CDC73: variants seen among roughly 807,000 people sequenced by gnomAD.
The protein encoded by CDC73 is cell division cycle 73, also known as parafibromin.
In CDC73, 21 loss-of-function variants were observed where a neutral mutation model predicts 83.7. The ratio of observed to expected loss-of-function variants is 0.25; its 90% CI spans 0.18 to 0.36. The LOEUF (loss-of-function observed/expected upper bound fraction) is 0.36, where lower values mean the gene tolerates loss of function less well. Among genes scored for constraint, CDC73 ranks in the 10% least tolerant of loss-of-function variants. The pLI is 1.00. For missense variants in CDC73, 342 were observed against 653.3 expected, an observed-to-expected ratio of 0.52 and a Z score of 5.19; for synonymous variants, 224 against 212.9, an observed-to-expected ratio of 1.05 and a Z score of -0.45.
chr1:193,243,255 AC>A (rs112913564), intron 15 of CDC73, among the ~76,000 whole-genome samples: 6,297 of 152,088 alleles, frequency 0.041, 419 homozygotes, highest in African/African-American at 0.14. Flanking sequence ...CTTGTTTTTA[AC>A]TTCCAGAGGC....
At chr1:193,134,949 T>A (rs1478630671) in intron 3 of CDC73, among the ~76,000 whole-genome samples, 2 of 152,166 alleles carry the variant, frequency 1.3e-5, no homozygotes, top group Non-Finnish European at 2.9e-5. Context: ...AATTTAATTT[T>A]AAAAATAATT....
intron 10 of CDC73, among the ~76,000 whole-genome samples, chr1:193,153,921 G>A (rs1205779715): frequency 6.6e-6 from 1 of 152,150 alleles, no homozygotes; most frequent in Non-Finnish European, 1.5e-5. Flanking sequence ...TCAAGGCAGG[G>A]ATCAAGACTG....
chr1:193,180,624 A>G lies in CDC73; in HGVS notation c.973-23171A>G, dbSNP rs148216109. On this transcript the variant is annotated intron_variant, in intron 10 of 16. Transcript: ENST00000367435. ...CTCCAGAAAAAACATAACCAGTTCCAGAACAGAAGACAGGATAACGCTCAC... is the reference window on the plus strand; with the variant it reads ...CTCCAGAAAAAACATAACCAGTTCCGGAACAGAAGACAGGATAACGCTCAC... 2.3e-3 allele frequency: 3,650 copies of G among 1,614,154 alleles called. 139 individuals are homozygous for G. The Admixed American group carries it at 0.057, about 25-fold the overall frequency.
chr1:193,180,399 A>G (rs760708190), intron 10 of CDC73: 1 of 1,613,838 alleles, frequency 6.2e-7, no homozygotes, highest in African/African-American at 1.3e-5. Context: ...TTATCAGTTC[A>G]CTAGGCTGGA....
At chr1:193,138,368 T>C (rs1198381739) in intron 6 of CDC73, among the ~76,000 whole-genome samples, 195 bp downstream of exon 6, 1 of 152,242 alleles carries the variant, frequency 6.6e-6, no homozygotes, top group Non-Finnish European at 1.5e-5. Context: ...AAAGTCTTCT[T>C]GTTTCTATTA....
At chr1:193,213,074 A>G (rs760626075) in intron 13 of CDC73, among the ~76,000 whole-genome samples, 2 of 152,140 alleles carry the variant, frequency 1.3e-5, no homozygotes, top group Admixed American at 1.3e-4. Flanking sequence ...TCCATCCCCA[A>G]CCACTTTCAG....
Position 193,161,651 on chromosome 1 carries a change from A to G in CDC73, c.972+9207A>G, listed in dbSNP as rs1457840301. 1.9e-4 allele frequency among the ~76,000 whole-genome samples: 14 copies of G among 73,486 alleles called. 6 individuals are homozygous for G. The East Asian group carries it at 4.0e-3, about 21-fold the overall frequency. The allele number at this position is 73,486 out of a possible 152,430, so 48.2% of individuals were successfully genotyped here. A position where few individuals can be genotyped will look rare whatever the true frequency, so the allele number is the denominator to read the frequency against. ...AGATATATAATATATTATATAATATATAATATATTATATATCTATCATATA... is the reference window on the plus strand; with the variant it reads ...AGATATATAATATATTATATAATATGTAATATATTATATATCTATCATATA... On this transcript the variant is annotated intron_variant, in intron 10 of 16. Transcript: ENST00000367435.
intron 15 of CDC73, among the ~76,000 whole-genome samples, chr1:193,248,806 A>T (rs938534803): frequency 1.3e-5 from 2 of 152,068 alleles, no homozygotes; most frequent in Non-Finnish European, 2.9e-5. Context: ...ATTGCTGCAC[A>T]CTCATGCTGG....
In CDC73 at chr1:193,138,122, C is replaced by T. The variant is rs1675832750; in HGVS notation, c.461C>T (p.Ala154Val). The T allele has an allele frequency of 6.2e-7, 1 of 1,613,594 alleles. No homozygotes were observed. The change falls in exon 6 of 17, where the codon GCT becomes GTT. Residue 154 changes from alanine (A) to valine (V), a missense_variant. Transcript: ENST00000367435. ...ECVRLDKERL[A>V]ARLEGHKEGI... Reference sequence around the variant, plus strand: ...GTGCGCCTTGATAAAGAGAGATTGGCTGCCCGTTTGGAGGGTCACAAAGAA... The same window carrying T: ...GTGCGCCTTGATAAAGAGAGATTGGTTGCCCGTTTGGAGGGTCACAAAGAA...
intron 15 of CDC73, among the ~76,000 whole-genome samples, chr1:193,242,797 TTGTTGCTTTCCCCAAAAAA>T (rs1370002880): frequency 2.6e-5 from 4 of 152,204 alleles, no homozygotes; most frequent in African/African-American, 9.7e-5. Context: ...CTCTTTTGCT[TTGTTGCTTTCCCCAAAAAA>T]TGTTGGCAGC....
chr1:193,167,711 C>T (rs967946923), intron 10 of CDC73, among the ~76,000 whole-genome samples: 12 of 152,062 alleles, frequency 7.9e-5, no homozygotes, highest in Middle Eastern at 3.4e-3. Flanking sequence ...TTCCTTTCAT[C>T]TGAGTTGGGA....
At chr1:193,160,831 A>G (rs1676296374) in intron 10 of CDC73, among the ~76,000 whole-genome samples, 1 of 152,072 alleles carries the variant, frequency 6.6e-6, no homozygotes, top group Non-Finnish European at 1.5e-5. Context: ...ATTTAATAAC[A>G]TGCTATATTT....
At position 193,251,188 on chromosome 1, in the gene CDC73, A is replaced by G. The variant is rs912132280; in HGVS notation, c.*476A>G. ...TGAATGAATCAGAATGTCAACTTGT[A>G]TGTACACTATATCTACACTTACTCA... On this transcript the variant is annotated 3_prime_UTR_variant, in exon 17 of 17. Coordinates refer to ENST00000367435, the MANE Select transcript of CDC73 (RefSeq NM_024529.5). The G allele has an allele frequency of 1.7e-4, 40 of 240,870 alleles. No homozygotes were observed. Among genetic ancestry groups the G allele is most frequent in the African/African-American group, 8.6e-4 (39 of 45,438 alleles). 14.9% of individuals were successfully genotyped at this position (240,870 alleles called of 1,614,324 possible).
At position 193,253,362 on chromosome 1, in the gene CDC73, G is replaced by A. The variant is rs578238143; in HGVS notation, c.*2650G>A. On this transcript the variant is annotated 3_prime_UTR_variant, in exon 17 of 17. Transcript: ENST00000367435. ...ATTGAAAACAGTACCAGTATTAAATGTGTTTCCTCTTCCTTCTTTTCTGTA... is the reference window on the plus strand; with the variant it reads ...ATTGAAAACAGTACCAGTATTAAATATGTTTCCTCTTCCTTCTTTTCTGTA... 3.9e-5 allele frequency: 9 copies of A among 232,482 alleles called. No homozygotes were observed. Among genetic ancestry groups the A allele is most frequent in the African/African-American group, 2.0e-4 (9 of 45,424 alleles). The allele number at this position is 232,482 out of a possible 1,614,324, so 14.4% of individuals were successfully genotyped here. A position where few individuals can be genotyped will look rare whatever the true frequency, so the allele number is the denominator to read the frequency against.
At chr1:193,153,841 A>G (rs1015320584) in intron 10 of CDC73, among the ~76,000 whole-genome samples, 1 of 152,168 alleles carries the variant, frequency 6.6e-6, no homozygotes, top group African/African-American at 2.4e-5. Context: ...TTGTTTAGAG[A>G]GAGAAGTCAG....
intron 15 of CDC73, among the ~76,000 whole-genome samples, chr1:193,245,599 G>A (rs550490753): frequency 6.6e-6 from 1 of 152,170 alleles, no homozygotes; most frequent in South Asian, 2.1e-4. Context: ...TTAAACATGG[G>A]GGTGCAGATA....
chr1:193,197,778 T>C (rs1437406999), intron 10 of CDC73, among the ~76,000 whole-genome samples: 1 of 151,786 alleles, frequency 6.6e-6, no homozygotes, highest in African/African-American at 2.4e-5. Context: ...ATAGAAAAAT[T>C]AGCCAGGTTT....
chr1:193,131,512 A>G (rs948076001), intron 3 of CDC73, among the ~76,000 whole-genome samples: 42 of 152,178 alleles, frequency 2.8e-4, no homozygotes, highest in African/African-American at 7.7e-4. Flanking sequence ...TTGAAAAAGT[A>G]TATAAACTTG....
intron 15 of CDC73, among the ~76,000 whole-genome samples, chr1:193,245,166 C>G (rs138187023): frequency 6.6e-6 from 1 of 152,252 alleles, no homozygotes; most frequent in African/African-American, 2.4e-5. Context: ...TTTCCTCCTT[C>G]TAGCTATTTG....
Sources: gnomAD v4.1 joint callset for allele counts (sites outside exome capture counted in the v4.1 genomes callset) on GRCh38, gnomAD v4.1.1 for gene constraint, MANE v1.5 for transcripts, NCBI Gene and HGNC (gene_info 2026-07-23, HGNC 2026-07-21) for gene names.